The following STXBP5L variants were observed in gnomAD, a reference collection of about 807,000 sequenced individuals.
STXBP5L encodes syntaxin-binding protein 5-like.
A neutral mutation model predicts 144.5 loss-of-function variants in STXBP5L; 65 were observed. That is an observed-to-expected ratio of 0.45 (90% CI 0.37 to 0.55). The LOEUF (loss-of-function observed/expected upper bound fraction) is 0.55. STXBP5L is among the 20% of genes least tolerant of loss of function. STXBP5L has a pLI of 0.00. For synonymous variants in STXBP5L, 505 were observed against 469.6 expected, an observed-to-expected ratio of 1.08 and a Z score of -0.97; for missense variants, 1,298 against 1,405.5, an observed-to-expected ratio of 0.92 and a Z score of 1.22.
At chr3:121,281,993 A>G (rs2108443711) in intron 19 of STXBP5L, among the ~76,000 whole-genome samples, 1 of 151,360 alleles carries the variant, frequency 6.6e-6, no homozygotes, top group African/African-American at 2.4e-5. Flanking sequence ...CATTTAAATA[A>G]GATAAAAATA....
chr3:121,389,595 C>A (rs889108573), intron 22 of STXBP5L, among the ~76,000 whole-genome samples: 2 of 152,184 alleles, frequency 1.3e-5, no homozygotes, highest in African/African-American at 4.8e-5. Context: ...TCTTTGTTCT[C>A]ATTGGTTTCA....
At chr3:121,227,368 T>G (rs148321041) in intron 11 of STXBP5L, among the ~76,000 whole-genome samples, 4 of 152,208 alleles carry the variant, frequency 2.6e-5, no homozygotes, top group Admixed American at 2.6e-4. Context: ...TAGCTTGAGC[T>G]CAGGATTTCA....
chr3:120,984,510 C>T (rs1415554325), intron 3 of STXBP5L, among the ~76,000 whole-genome samples: 2 of 151,264 alleles, frequency 1.3e-5, no homozygotes, highest in African/African-American at 4.9e-5. Flanking sequence ...TTAGTTCTAA[C>T]GGGATTTTTT....
chr3:121,302,194 G>A (rs1490977240), intron 19 of STXBP5L, among the ~76,000 whole-genome samples: 1 of 152,014 alleles, frequency 6.6e-6, no homozygotes, highest in Non-Finnish European at 1.5e-5. Context: ...TTTTTGGTTG[G>A]TAATTAATTA....
At chr3:121,030,256 T>C (rs1355044590) in intron 3 of STXBP5L, among the ~76,000 whole-genome samples, 1 of 152,158 alleles carries the variant, frequency 6.6e-6, no homozygotes, top group East Asian at 1.9e-4. Context: ...CTATTCACAA[T>C]AGCAAAGACT....
intron 9 of STXBP5L, among the ~76,000 whole-genome samples, chr3:121,204,080 A>C (rs1176955114): frequency 6.6e-6 from 1 of 152,150 alleles, no homozygotes; most frequent in East Asian, 1.9e-4. Flanking sequence ...TCTACTAAAA[A>C]TACAAAAAAT....
intron 24 of STXBP5L, 89 bp from the exon 25 acceptor site, chr3:121,415,768 A>T: frequency 2.7e-6 from 2 of 732,566 alleles, no homozygotes; most frequent in South Asian, 2.8e-5. Context: ...TTTTTTCATG[A>T]TGTGTCCTAC....
intron 20 of STXBP5L, among the ~76,000 whole-genome samples, chr3:121,364,448 CA>C (rs2045807537): frequency 6.7e-6 from 1 of 149,908 alleles, no homozygotes; most frequent in Non-Finnish European, 1.5e-5. Context: ...CATGAGATTC[CA>C]GATGAAGTTA....
chr3:121,327,836 A>T (rs760563029), intron 20 of STXBP5L, among the ~76,000 whole-genome samples: 10 of 152,206 alleles, frequency 6.6e-5, no homozygotes, highest in Non-Finnish European at 1.2e-4. Context: ...GGCATAAGAA[A>T]TCAAATTGTT....
intron 3 of STXBP5L, among the ~76,000 whole-genome samples, chr3:120,979,295 C>T (rs935434911): frequency 1.3e-5 from 2 of 152,230 alleles, no homozygotes; most frequent in African/African-American, 4.8e-5. Flanking sequence ...GCAGTTTGAT[C>T]TCAGACTGCT....
At position 121,381,448 on chromosome 3, in the gene STXBP5L, C is replaced by T. The variant is rs1290932703; in HGVS notation, c.2503C>T (p.Leu835=). 1.1e-5 allele frequency: 18 copies of T among 1,601,318 alleles called. No individual in the cohort carries two copies. The Admixed American group carries it at 3.1e-4, about 27-fold the overall frequency. ...TCCTTGTCTGTTCGTTGGAACCAGT[C>T]TGGGAATGGTGTTAATCATCTCCTT... The part of the protein sequence containing the change: ...ISPCLFVGTS[L]GMVLIISLNL... Residue 835 remains leucine (L), a synonymous_variant, in exon 22 of 27, where the codon CTG becomes TTG. Coordinates refer to ENST00000471454, the MANE Select transcript of STXBP5L (RefSeq NM_001308330.2).
At chr3:121,220,392 T>G (rs2108284548) in intron 10 of STXBP5L, among the ~76,000 whole-genome samples, 1 of 152,244 alleles carries the variant, frequency 6.6e-6, no homozygotes, top group Admixed American at 6.6e-5. Flanking sequence ...CTGATAGGTA[T>G]CCCTTAATAG....
chr3:121,308,490 A>C (rs1173562462), intron 19 of STXBP5L, among the ~76,000 whole-genome samples: 1 of 152,234 alleles, frequency 6.6e-6, no homozygotes, highest in Non-Finnish European at 1.5e-5. Flanking sequence ...TGTAATTATG[A>C]AAGAGTATAA....
At chr3:121,091,280 T>C (rs1384713330) in intron 5 of STXBP5L, among the ~76,000 whole-genome samples, 1 of 147,458 alleles carries the variant, frequency 6.8e-6, no homozygotes, top group African/African-American at 2.6e-5. Flanking sequence ...TTATAGTCCT[T>C]TGGGTATATA....
intron 22 of STXBP5L, among the ~76,000 whole-genome samples, chr3:121,383,379 AGAGT>A (rs2046361021): frequency 6.6e-6 from 1 of 152,100 alleles, no homozygotes; most frequent in Non-Finnish European, 1.5e-5. Context: ...CCTGGGTGAC[AGAGT>A]GAGACTCCAT....
chr3:121,344,504 G>A (rs1163771946), intron 20 of STXBP5L, among the ~76,000 whole-genome samples: 2 of 151,972 alleles, frequency 1.3e-5, no homozygotes, highest in Non-Finnish European at 2.9e-5. Context: ...AAAGATACAT[G>A]GAGAGGCCAT....
At chr3:121,160,768 T>C (rs985586953) in intron 9 of STXBP5L, among the ~76,000 whole-genome samples, 1 of 152,202 alleles carries the variant, frequency 6.6e-6, no homozygotes, top group African/African-American at 2.4e-5. Context: ...TTTTTCCCTC[T>C]TTCCTCTTTT....
intron 22 of STXBP5L, among the ~76,000 whole-genome samples, chr3:121,388,572 T>C (rs932449614): frequency 1.3e-5 from 2 of 152,222 alleles, no homozygotes; most frequent in African/African-American, 4.8e-5. Flanking sequence ...GTTCCATCAA[T>C]ACCTAGTTTA....
chr3:121,282,334 C>T lies in STXBP5L; in HGVS notation c.2110+2378C>T, dbSNP rs753429741. ...AACGAAACGGATCCGTACTTCCTAT[C>T]AGAGTAAGTTATATAAAGGTTAGGC... On this transcript the variant is annotated intron_variant, in intron 19 of 26. Coordinates refer to ENST00000471454, the MANE Select transcript of STXBP5L (RefSeq NM_001308330.2). 10 of 1,610,994 alleles carry T rather than the reference C, an allele frequency of 6.2e-6. No individual in the cohort carries two copies. The South Asian group carries it at 1.1e-4, about 18-fold the overall frequency.
Sources: gnomAD v4.1 joint callset for allele counts (sites outside exome capture counted in the v4.1 genomes callset) on GRCh38, gnomAD v4.1.1 for gene constraint, MANE v1.5 for transcripts, NCBI Gene and HGNC (gene_info 2026-07-23, HGNC 2026-07-21) for gene names.